The following PMS2 variants were observed in gnomAD, a reference collection of about 807,000 sequenced individuals.
The protein encoded by PMS2 is mismatch repair endonuclease PMS2.
Under a neutral mutation model 90.0 loss-of-function variants are expected in PMS2, and 69 were observed. That is an observed-to-expected ratio of 0.77 (90% confidence interval 0.63 to 0.94). The LOEUF (loss-of-function observed/expected upper bound fraction) is 0.94. PMS2 is among the 40% of genes least tolerant of loss of function. The pLI, the probability that PMS2 is intolerant of heterozygous loss-of-function variation, is 0.00. For synonymous variants in PMS2, 332 were observed against 375.1 expected (o/e 0.89, Z 1.33); for missense variants, 966 against 1,040.2 (o/e 0.93, Z 0.98).
At chr7:5,986,533 A>C (rs1046798595) in intron 11 of PMS2, among the ~76,000 whole-genome samples, 19 of 152,008 alleles carry the variant, frequency 1.2e-4, no homozygotes, top group Non-Finnish European at 2.4e-4. Context: ...TTCCACCAAA[A>C]ATATAAAAAT....
At chr7:6,005,828 T>C (rs1785676102) in intron 2 of PMS2, 64 bp downstream of exon 2, 2 of 1,607,628 alleles carry the variant, frequency 1.2e-6, no homozygotes, top group Non-Finnish European at 8.5e-7. Context: ...CAATAACAAA[T>C]GTTTCTTAAC....
intron 8 of PMS2, among the ~76,000 whole-genome samples, chr7:5,994,487 G>T (rs916523873): frequency 6.6e-6 from 1 of 150,750 alleles, no homozygotes; most frequent in African/African-American, 2.4e-5. Flanking sequence ...TAAAAATATT[G>T]TATCTGCTGG....
intron 12 of PMS2, among the ~76,000 whole-genome samples, chr7:5,979,201 CAAAAAAAA>C (rs60152367): frequency 2.0e-5 from 1 of 49,460 alleles, no homozygotes; most frequent in Non-Finnish European, 3.7e-5. Context: ...GACTCTGTCT[CAAAAAAAA>C]AAAAAAAAAA....
At chr7:5,998,423 T>C (rs1784677186) in intron 6 of PMS2, among the ~76,000 whole-genome samples, 2 of 143,946 alleles carry the variant, frequency 1.4e-5, no homozygotes, top group African/African-American at 5.0e-5. Flanking sequence ...CTGGGCGCAG[T>C]GGCTCACGTC....
chr7:5,997,570 G>A, intron 6 of PMS2, 147 bp from the exon 7 acceptor site: 1 of 643,456 alleles, frequency 1.6e-6, no homozygotes. Context: ...TTTGAGACAG[G>A]GTCTCCCTCT....
In PMS2 at chr7:5,987,631, G is replaced by A. The variant is rs558565527; in HGVS notation, c.1145-11C>T. 99 of 1,558,792 alleles carry A rather than the reference G, an allele frequency of 6.4e-5. No individual in the cohort carries two copies. The South Asian group carries it at 8.9e-4, about 14-fold the overall frequency. The stretch of plus-strand genomic sequence containing the variant: ...TTTTTATTAAGTTACCTAAGCAAAC[G>A]TGGACGGAGAAGAGGGTCAGGGACT... On this transcript the variant is annotated splice_polypyrimidine_tract_variant and intron_variant, in intron 10 of 14. Transcript: ENST00000265849.
chr7:6,002,614 G>T lies in PMS2; in HGVS notation c.376C>A (p.His126Asn). ...CGAGTTCCAACCTTCGCCGATGCGT[G>T]GCAGGTAGAAATGGTGACATCGCTG... is the stretch of plus-strand genomic sequence containing the variant. ...ALSDVTISTC[H>N]ASAKVGTRLM... Residue 126 changes from histidine to asparagine, a missense_variant, in exon 5 of 15, where the codon CAC (histidine) becomes AAC (asparagine). Physicochemically the swap from His to Asn is moderately conservative, Grantham distance 68 (BLOSUM62 1). Coordinates refer to ENST00000265849, the MANE Select transcript of PMS2 (RefSeq NM_000535.7). The T allele has an allele frequency of 6.2e-7, 1 of 1,611,852 alleles. No individual in the cohort carries two copies. Among genetic ancestry groups the T allele is most frequent in the South Asian group, 1.1e-5 (1 of 90,988 alleles).
chr7:6,000,619 T>A (rs940951420), intron 5 of PMS2, among the ~76,000 whole-genome samples: 2 of 152,078 alleles, frequency 1.3e-5, no homozygotes, highest in African/African-American at 4.8e-5. Context: ...AGGCACTAAT[T>A]TTTTTACCAT....
intron 11 of PMS2, among the ~76,000 whole-genome samples, chr7:5,985,208 C>G (rs891503717): frequency 1.3e-5 from 2 of 151,856 alleles, no homozygotes; most frequent in African/African-American, 4.8e-5. Flanking sequence ...AGTGAGCCTC[C>G]TGCCTCAGCC....
At chr7:5,996,713 G>A (rs1480382054) in intron 7 of PMS2, among the ~76,000 whole-genome samples, 4 of 151,170 alleles carry the variant, frequency 2.6e-5, no homozygotes, top group Non-Finnish European at 4.4e-5. Context: ...TTCATCAGAT[G>A]CCAGGAAAGT....
chr7:5,982,755 T>C (rs2128701450), intron 12 of PMS2, 69 bp downstream of exon 12: 1 of 1,610,078 alleles, frequency 6.2e-7, no homozygotes, highest in East Asian at 2.2e-5. Flanking sequence ...CTTGTGATCC[T>C]CCTGCCTTGG....
intron 5 of PMS2, among the ~76,000 whole-genome samples, chr7:6,000,132 T>C (rs1784929415): frequency 6.6e-6 from 1 of 150,982 alleles, no homozygotes; most frequent in Non-Finnish European, 1.5e-5. Context: ...CCCAGCACTT[T>C]GGGAGGCTGA....
chr7:5,994,593 G>A (rs1029949447), intron 8 of PMS2, among the ~76,000 whole-genome samples: 60 of 151,564 alleles, frequency 4.0e-4, no homozygotes, highest in Non-Finnish European at 5.7e-4. Context: ...CTAACAAGGT[G>A]AAACCCCGTC....
chr7:5,989,997 CT>C, intron 9 of PMS2, 42 bp from the exon 10 acceptor site: 2 of 1,284,686 alleles, frequency 1.6e-6, no homozygotes, highest in Non-Finnish European at 2.2e-6. Context: ...TTTAAATTCA[CT>C]TTTATTTTAT....
At chr7:5,983,177 A>G (rs1232225719) in intron 11 of PMS2, among the ~76,000 whole-genome samples, 186 bp from the exon 12 acceptor site, 2 of 151,678 alleles carry the variant, frequency 1.3e-5, no homozygotes, top group African/African-American at 4.9e-5. Flanking sequence ...CAATGGCACA[A>G]TCTTGGCTCA....
intron 6 of PMS2, 147 bp from the exon 7 acceptor site, chr7:5,997,570 G>T: frequency 1.6e-6 from 1 of 643,456 alleles, no homozygotes. Flanking sequence ...TTTGAGACAG[G>T]GTCTCCCTCT....
rs763718441 is a variant in PMS2, at chr7:5,992,036, C to A, written c.925G>T (p.Val309Phe). Residue 309 changes from valine to phenylalanine, a missense_variant, in exon 9 of 15, where the codon GTC becomes TTC. Physicochemically the swap from Val to Phe is conservative, Grantham distance 50. Transcript: ENST00000265849. ...TGGTGTCGATTATACATGTGGTAGACCTCATTCACGAGTCTGCAGACCTGC... is the reference window on the plus strand; with the variant it reads ...TGGTGTCGATTATACATGTGGTAGAACTCATTCACGAGTCTGCAGACCTGC... ...PAKVCRLVNEVYHMYNRHQYP... is the reference protein window; with the variant it reads ...PAKVCRLVNEFYHMYNRHQYP... 1.3e-6 allele frequency: 2 copies of A among 1,594,858 alleles called. No homozygotes were observed. The highest frequency in any genetic ancestry group is 1.7e-5 in the Admixed American group (1 of 59,958).
At chr7:5,996,590 A>ATAT (rs1554301107) in intron 7 of PMS2, among the ~76,000 whole-genome samples, 418 of 110,078 alleles carry the variant, frequency 3.8e-3, no homozygotes, top group African/African-American at 0.015. Flanking sequence ...AAAAAAAAAA[A>ATAT]ATATATATAT....
In PMS2 at chr7:5,978,621, G is replaced by T. The variant is rs1199360335; in HGVS notation, c.2250C>A (p.Gly750=). 1 of 1,602,836 alleles carries T rather than the reference G, an allele frequency of 6.2e-7. No individual in the cohort carries two copies. The highest frequency in any genetic ancestry group is 8.5e-7 in the Non-Finnish European group (1 of 1,172,812). The change falls in exon 13 of 15, where the codon GGC becomes GGA. Residue 750 remains glycine, a synonymous_variant. Transcript: ENST00000265849. ...CATTTTCATCGATAACAAAATCAAA[G>T]CCATTCTTTCTAAATATTTCCAGAT... ...IENLEIFRKN[G]FDFVIDENAP... is the part of the protein sequence containing the mutation.
Sources: allele counts gnomAD v4.1 joint callset (sites outside exome capture counted in the v4.1 genomes callset), GRCh38; gene constraint gnomAD v4.1.1; transcripts MANE v1.5; gene names NCBI Gene and HGNC (gene_info 2026-07-23, HGNC 2026-07-21).